ARHGAP15: variants seen among roughly 807,000 people sequenced by gnomAD.
ARHGAP15 encodes rho GTPase-activating protein 15.
Under a neutral mutation model 63.7 loss-of-function variants are expected in ARHGAP15, and 51 were observed. The observed-to-expected ratio is 0.80, with a 90% CI of 0.64 to 1.01. ARHGAP15 has a LOEUF of 1.01. ARHGAP15 is among the 50% of genes least tolerant of loss of function. The pLI is 0.00. For synonymous variants in ARHGAP15, 191 were observed against 193.8 expected, an observed-to-expected ratio of 0.99 and a Z score of 0.12; for missense variants, 560 against 564.6, an observed-to-expected ratio of 0.99 and a Z score of 0.08.
chr2:143,234,177 T>C (rs1425723367), intron 5 of ARHGAP15, among the ~76,000 whole-genome samples: 2 of 152,226 alleles, frequency 1.3e-5, no homozygotes, highest in East Asian at 3.8e-4. Context: ...TCTAGAAGTT[T>C]GTTTCTTTTA....
At chr2:143,129,526 C>G (rs1688840614) in intron 1 of ARHGAP15, 60 bp downstream of exon 1, 1 of 152,094 alleles carries the variant, frequency 6.6e-6, no homozygotes, top group African/African-American at 2.4e-5. Flanking sequence ...GGCAGAGTTT[C>G]CTACATTTTG....
At chr2:143,513,525 C>T (rs1221456985) in intron 9 of ARHGAP15, among the ~76,000 whole-genome samples, 6 of 152,296 alleles carry the variant, frequency 3.9e-5, no homozygotes, top group African/African-American at 1.4e-4. Flanking sequence ...TTCACCTTCT[C>T]TTCAAGTCTT....
intron 6 of ARHGAP15, among the ~76,000 whole-genome samples, chr2:143,412,154 G>A (rs186964485): frequency 2.0e-5 from 3 of 152,276 alleles, no homozygotes; most frequent in Admixed American, 1.3e-4. Flanking sequence ...GCTTGGTAAT[G>A]AAATTGAGTG....
At chr2:143,182,438 GTA>G (rs760931382) in intron 2 of ARHGAP15, among the ~76,000 whole-genome samples, 9 of 152,108 alleles carry the variant, frequency 5.9e-5, no homozygotes, top group Non-Finnish European at 1.3e-4. Context: ...ATAAAATGAA[GTA>G]TGTCTGTACT....
At chr2:143,392,917 C>T (rs1037270736) in intron 6 of ARHGAP15, among the ~76,000 whole-genome samples, 1 of 151,666 alleles carries the variant, frequency 6.6e-6, no homozygotes, top group African/African-American at 2.4e-5. Context: ...CAGAAATCTC[C>T]ATAGATAAAA....
At chr2:143,666,638 C>CA (rs1335192406) in intron 12 of ARHGAP15, among the ~76,000 whole-genome samples, 1 of 111,972 alleles carries the variant, frequency 8.9e-6, no homozygotes, top group African/African-American at 3.1e-5. Context: ...AGGCAACCTA[C>CA]AACATGGGAG....
intron 6 of ARHGAP15, among the ~76,000 whole-genome samples, chr2:143,269,457 G>A (rs2105044676): frequency 6.6e-6 from 1 of 152,258 alleles, no homozygotes; most frequent in African/African-American, 2.4e-5. Flanking sequence ...CTTTTCAGCT[G>A]ATGGCAGAGA....
intron 6 of ARHGAP15, among the ~76,000 whole-genome samples, chr2:143,416,253 T>TA (rs1185585130): frequency 6.6e-6 from 1 of 151,266 alleles, no homozygotes; most frequent in Non-Finnish European, 1.5e-5. Context: ...AAATAATTTT[T>TA]AAAAAAACAA....
chr2:143,407,430 G>T (rs1688244565), intron 6 of ARHGAP15, among the ~76,000 whole-genome samples: 1 of 151,566 alleles, frequency 6.6e-6, no homozygotes. Flanking sequence ...TGACTTTTTG[G>T]GATCTATTTT....
intron 13 of ARHGAP15, among the ~76,000 whole-genome samples, chr2:143,720,350 G>C (rs60177972): frequency 3.9e-5 from 6 of 152,100 alleles, no homozygotes; most frequent in African/African-American, 1.4e-4. Context: ...AGGACGCCGA[G>C]GTTAACAATC....
At chr2:143,672,408 C>T (rs908558501) in intron 12 of ARHGAP15, among the ~76,000 whole-genome samples, 1 of 152,082 alleles carries the variant, frequency 6.6e-6, no homozygotes, top group African/African-American at 2.4e-5. Flanking sequence ...ATGTAAAGAG[C>T]CCAACTATGA....
At chr2:143,463,015 A>G (rs894772462) in intron 8 of ARHGAP15, among the ~76,000 whole-genome samples, 28 of 152,148 alleles carry the variant, frequency 1.8e-4, no homozygotes, top group African/African-American at 6.5e-4. Context: ...GTGGCCCAGG[A>G]TGGCTTTGAA....
intron 12 of ARHGAP15, among the ~76,000 whole-genome samples, chr2:143,637,286 T>C (rs1188181413): frequency 6.6e-6 from 1 of 152,186 alleles, no homozygotes; most frequent in Admixed American, 6.5e-5. Context: ...TTCCTCTTAC[T>C]ATGATAAAAT....
At chr2:143,510,071 C>G (rs530048976) in intron 9 of ARHGAP15, among the ~76,000 whole-genome samples, 1 of 116,166 alleles carries the variant, frequency 8.6e-6, no homozygotes, top group Non-Finnish European at 1.8e-5. Context: ...CTTTGATAAG[C>G]AATCTAAAAG....
intron 6 of ARHGAP15, among the ~76,000 whole-genome samples, chr2:143,313,455 G>T (rs182008715): frequency 6.6e-6 from 1 of 151,982 alleles, no homozygotes; most frequent in Non-Finnish European, 1.5e-5. Flanking sequence ...TAGTTATTCT[G>T]ACATGGTCAT....
intron 6 of ARHGAP15, among the ~76,000 whole-genome samples, chr2:143,258,163 T>C (rs1375419481): frequency 6.6e-6 from 1 of 151,992 alleles, no homozygotes; most frequent in Non-Finnish European, 1.5e-5. Flanking sequence ...TTGGATAGCA[T>C]AGGATCACTG....
chr2:143,520,833 G>A (rs561417438), intron 10 of ARHGAP15, among the ~76,000 whole-genome samples: 17 of 152,226 alleles, frequency 1.1e-4, no homozygotes, highest in South Asian at 4.1e-4. Context: ...CAAATAGGGC[G>A]TTGGGGAAGC....
intron 8 of ARHGAP15, among the ~76,000 whole-genome samples, chr2:143,449,065 A>G (rs571025118): frequency 8.5e-5 from 13 of 152,144 alleles, no homozygotes; most frequent in Middle Eastern, 3.4e-3. Context: ...ATTTAATCTC[A>G]TCAATCCCTT....
chr2:143,673,821 AC>A (rs1219449618), intron 12 of ARHGAP15, among the ~76,000 whole-genome samples: 3 of 132,940 alleles, frequency 2.3e-5, no homozygotes, highest in African/African-American at 5.5e-5. Context: ...AAGTCAAACA[AC>A]CCTATACAAA....
Sources: allele counts gnomAD v4.1 joint callset (sites outside exome capture counted in the v4.1 genomes callset), GRCh38; gene constraint gnomAD v4.1.1; transcripts MANE v1.5; gene names NCBI Gene and HGNC (gene_info 2026-07-23, HGNC 2026-07-21).